The following GNAL variants were observed in gnomAD, a reference collection of about 807,000 sequenced individuals.
The protein encoded by GNAL is guanine nucleotide-binding protein G(olf) subunit alpha.
A neutral mutation model predicts 55.1 loss-of-function variants in GNAL; 18 were observed. The ratio of observed to expected loss-of-function variants is 0.33; its 90% confidence interval spans 0.23 to 0.48. The LOEUF is 0.48. Among genes scored for constraint, GNAL ranks in the 20% least tolerant of loss-of-function variants. The probability of loss-of-function intolerance (pLI) is 0.99; values close to 1 mark genes in which losing one functional copy is unlikely to be tolerated. For missense variants in GNAL, 412 were observed against 614.1 expected (o/e 0.67, Z 3.48); for synonymous variants, 253 against 237.0 (o/e 1.07, Z -0.62).
intron 9 of GNAL, among the ~76,000 whole-genome samples, chr18:11,870,253 G>GC (rs1239735911): frequency 6.6e-6 from 1 of 152,196 alleles, no homozygotes; most frequent in Non-Finnish European, 1.5e-5. Context: ...GGGAACAGTG[G>GC]CTCATGCCTG....
chr18:11,762,057 C>T (rs1439300130), intron 4 of GNAL, among the ~76,000 whole-genome samples: 2 of 152,170 alleles, frequency 1.3e-5, no homozygotes, highest in African/African-American at 2.4e-5. Context: ...ATAGATGGTG[C>T]GTGAGGCCTC....
intron 5 of GNAL, chr18:11,851,599 A>G: frequency 6.2e-7 from 1 of 1,613,616 alleles, no homozygotes; most frequent in Non-Finnish European, 8.5e-7. Flanking sequence ...TAAGGAGGAA[A>G]AGGCCGAAAA....
At chr18:11,747,618 T>C (rs935818514) in intron 1 of GNAL, 3 of 142,606 alleles carry the variant, frequency 2.1e-5, no homozygotes, top group Admixed American at 1.4e-4. Context: ...ATAGGGGTAC[T>C]GGGGATGGAT....
chr18:11,876,700 T>C lies in GNAL; in HGVS notation c.1230+12T>C, dbSNP rs1438378608. Reference sequence around the variant, plus strand: ...GGGACCTGTTTTTGGTAAGCAATTTTGTTAACCTTTGTTTTTCTACCTCCC... The same window carrying C: ...GGGACCTGTTTTTGGTAAGCAATTTCGTTAACCTTTGTTTTTCTACCTCCC... On this transcript the variant is annotated intron_variant, in intron 11 of 11. Transcript: ENST00000334049. The C allele has an allele frequency of 6.6e-7, 1 of 1,508,052 alleles. No individual in the cohort carries two copies. The highest frequency in any genetic ancestry group is 1.4e-5 in the African/African-American group (1 of 73,142). 93.4% of individuals were successfully genotyped at this position (1,508,052 alleles called of 1,614,324 possible).
At chr18:11,696,398 G>A (rs113189739) in intron 1 of GNAL, among the ~76,000 whole-genome samples, 6 of 151,828 alleles carry the variant, frequency 4.0e-5, no homozygotes, top group African/African-American at 1.5e-4. Flanking sequence ...CCAGCTACTC[G>A]GGAGGCTGAG....
intron 4 of GNAL, among the ~76,000 whole-genome samples, chr18:11,766,296 C>T (rs2033404259): frequency 2.0e-5 from 3 of 152,002 alleles, no homozygotes; most frequent in Non-Finnish European, 4.4e-5. Flanking sequence ...CTTTTTTTAT[C>T]CTGTCATCTT....
Position 11,868,596 on chromosome 18 carries a change from C to T in GNAL, c.964C>T (p.Arg322Ter), listed in dbSNP as rs1252185897. ...AACSSYNMVI[R>*]EDNNTNRLRE... ...CTGCAGTAGCTACAACATGGTGATT[C>T]GAGAAGATAACAACACCAACAGGCT... Residue 322 changes from arginine to a stop codon, truncating the protein, a stop_gained, in exon 9 of 12, where the codon CGA becomes TGA. Transcript: ENST00000334049. LOFTEE classifies it high-confidence loss of function. The surrounding 1 kb of genome is among the most constrained non-coding windows in gnomAD (Gnocchi z 4.0). The T allele has an allele frequency of 6.2e-7, 1 of 1,610,012 alleles. No homozygotes were observed.
chr18:11,699,273 C>T (rs758516041), intron 1 of GNAL, among the ~76,000 whole-genome samples: 11 of 152,120 alleles, frequency 7.2e-5, no homozygotes, highest in Non-Finnish European at 1.5e-4. Flanking sequence ...TGGCTCACTG[C>T]AACTTCCACC....
intron 1 of GNAL, among the ~76,000 whole-genome samples, chr18:11,706,852 G>C (rs1197199454): frequency 6.6e-6 from 1 of 152,304 alleles, no homozygotes; most frequent in East Asian, 1.9e-4. Context: ...CACATCTCCA[G>C]TTACTTCCTT....
At chr18:11,872,161 A>G (rs2036413069) in intron 9 of GNAL, 107 bp from the exon 10 acceptor site, 1 of 699,428 alleles carries the variant, frequency 1.4e-6, no homozygotes, top group Non-Finnish European at 2.4e-6. Flanking sequence ...AATCCTATAC[A>G]TTTTTAGGAA....
At chr18:11,717,594 G>C (rs1377036432) in intron 1 of GNAL, among the ~76,000 whole-genome samples, 1 of 152,210 alleles carries the variant, frequency 6.6e-6, no homozygotes, top group Non-Finnish European at 1.5e-5. Flanking sequence ...TATACACCAT[G>C]GAATATTATG....
intron 1 of GNAL, among the ~76,000 whole-genome samples, chr18:11,703,627 G>A (rs1210865249): frequency 6.6e-6 from 1 of 152,186 alleles, no homozygotes; most frequent in Non-Finnish European, 1.5e-5. Context: ...GCCGAGCTGT[G>A]GTTGATCCAG....
chr18:11,861,715 G>A lies in GNAL; in HGVS notation c.723-680G>A, dbSNP rs572814220. 7.9e-5 allele frequency among the ~76,000 whole-genome samples: 12 copies of A among 152,266 alleles called. No homozygotes were observed. The South Asian group carries it at 1.4e-3, about 18-fold the overall frequency. On this transcript the variant is annotated intron_variant, in intron 5 of 11. Transcript: ENST00000334049. ...CTCGGAAGGGTCATCACCCAAGAGC[G>A]GCGCACAGCCTTCCTTGGCTCCCAT...
At position 11,721,031 on chromosome 18, in the gene GNAL, A is replaced by C. The variant is rs114023774; in HGVS notation, c.376+31092A>C. Among the ~76,000 whole-genome samples, 410 of 152,346 alleles carry C rather than the reference A, an allele frequency of 2.7e-3. 2 individuals are homozygous for C. Among genetic ancestry groups the C allele is most frequent in the African/African-American group, 9.5e-3 (396 of 41,592 alleles). ...TTTTCAAAGCAATTCAGTGTTCAAT[A>C]ATGGAGATTGTCAAAGGTTCTTCTC... On this transcript the variant is annotated intron_variant, in intron 1 of 11. Coordinates refer to ENST00000334049, the MANE Select transcript of GNAL (RefSeq NM_182978.4).
chr18:11,805,468 G>A (rs559212554), intron 4 of GNAL, among the ~76,000 whole-genome samples: 2 of 152,078 alleles, frequency 1.3e-5, no homozygotes, highest in Admixed American at 6.5e-5. Context: ...AATAATGTAC[G>A]TTGTACCCAT....
At chr18:11,874,775 C>T (rs2036490539) in intron 10 of GNAL, among the ~76,000 whole-genome samples, 1 of 150,368 alleles carries the variant, frequency 6.7e-6, no homozygotes, top group Non-Finnish European at 1.5e-5. Flanking sequence ...GAACACAGCC[C>T]AGGCAGAGAC....
intron 1 of GNAL, among the ~76,000 whole-genome samples, chr18:11,690,959 C>T (rs1268313584): frequency 6.7e-6 from 1 of 148,490 alleles, no homozygotes; most frequent in East Asian, 1.9e-4. Context: ...ATTTATAGTC[C>T]TTTGGGTATA....
chr18:11,741,351 A>G (rs1344308505), intron 1 of GNAL, among the ~76,000 whole-genome samples: 6 of 152,232 alleles, frequency 3.9e-5, no homozygotes, highest in Non-Finnish European at 2.9e-5. Context: ...GCTGAAAATA[A>G]AGCACCTTTC....
At chr18:11,822,337 G>GT (rs1199879093) in intron 4 of GNAL, among the ~76,000 whole-genome samples, 1 of 152,214 alleles carries the variant, frequency 6.6e-6, no homozygotes, top group Non-Finnish European at 1.5e-5. Flanking sequence ...GGATATTGTG[G>GT]TACACACCTG....
Sources: gnomAD v4.1 joint callset for allele counts (sites outside exome capture counted in the v4.1 genomes callset) on GRCh38, gnomAD v4.1.1 for gene constraint, Gnocchi (gnomAD v3.1) non-coding constraint, MANE v1.5 for transcripts, NCBI Gene and HGNC (gene_info 2026-07-23, HGNC 2026-07-21) for gene names.